SYNE1: variants seen among roughly 807,000 people sequenced by gnomAD.
SYNE1 encodes nesprin-1.
In SYNE1, 616 loss-of-function variants were observed where a neutral mutation model predicts 1,111.0. The ratio of observed to expected loss-of-function variants is 0.55; its 90% CI spans 0.52 to 0.59. SYNE1 has a LOEUF of 0.59. SYNE1 is among the 20% of genes least tolerant of loss of function. The pLI, the probability that SYNE1 is intolerant of heterozygous loss-of-function variation, is 0.00. For synonymous variants in SYNE1, 3,855 were observed against 3,825.8 expected (o/e 1.01, Z -0.28); for missense variants, 10,006 against 10,417.0 (o/e 0.96, Z 1.72).
intron 98 of SYNE1, among the ~76,000 whole-genome samples, chr6:152,270,082 T>TG (rs1215963095): frequency 6.6e-6 from 1 of 152,200 alleles, no homozygotes; most frequent in Non-Finnish European, 1.5e-5. Flanking sequence ...TCCCTGATAC[T>TG]GGTCTGTGTA....
Position 152,488,515 on chromosome 6 carries a change from G to A in SYNE1, c.940-12C>T, listed in dbSNP as rs1263120837. The stretch of plus-strand genomic sequence containing the variant: ...ACTCTGTCTTCTCTCTGGAAATGAG[G>A]AGACATTACAATTTTATTAGTATCT... On this transcript the variant is annotated splice_polypyrimidine_tract_variant and intron_variant, in intron 11 of 145. Coordinates refer to ENST00000367255, the MANE Select transcript of SYNE1 (RefSeq NM_182961.4). The A allele has an allele frequency of 1.4e-6, 2 of 1,384,224 alleles. No homozygotes were observed. Among genetic ancestry groups the A allele is most frequent in the East Asian group, 2.3e-5 (1 of 43,608 alleles). 85.7% of individuals were successfully genotyped at this position (1,384,224 alleles called of 1,614,324 possible). A position where few individuals can be genotyped will look rare whatever the true frequency, so the allele number is the denominator to read the frequency against.
chr6:152,450,638 C>G lies in SYNE1; in HGVS notation c.3382G>C (p.Asp1128His), dbSNP rs886061213. Residue 1128 changes from aspartate (D) to histidine (H), a missense_variant, in exon 27 of 146, where the codon GAC becomes CAC. Coordinates refer to ENST00000367255, the MANE Select transcript of SYNE1 (RefSeq NM_182961.4). ...KLMEDPDKWK[D>H]YTSRFSEFSS... ...TTCTGAGGCTACCTGCTAGTGTAGT[C>G]CTTCCACTTGTCTGGGTCTTCCATG... 5 of 1,614,012 alleles carry G rather than the reference C, an allele frequency of 3.1e-6. No individual in the cohort carries two copies. Among genetic ancestry groups the G allele is most frequent in the Non-Finnish European group, 4.2e-6 (5 of 1,180,038 alleles).
chr6:152,576,688 C>T (rs1159020740), intron 3 of SYNE1, among the ~76,000 whole-genome samples: 2 of 152,128 alleles, frequency 1.3e-5, no homozygotes, highest in African/African-American at 4.8e-5. Context: ...GATTCTTGAC[C>T]TTCCTATTCA....
intron 11 of SYNE1, among the ~76,000 whole-genome samples, chr6:152,495,231 C>T (rs1467607204): frequency 1.3e-5 from 2 of 152,184 alleles, no homozygotes; most frequent in Non-Finnish European, 2.9e-5. Flanking sequence ...CCCACATGCC[C>T]CGAGTCAGGA....
chr6:152,529,924 C>CA (rs373115373), intron 4 of SYNE1, among the ~76,000 whole-genome samples: 1,638 of 150,534 alleles, frequency 0.011, 30 homozygotes, highest in African/African-American at 0.039. Context: ...TCAACCCCAG[C>CA]AAAAAAAAAG....
chr6:152,231,584 G>A lies in SYNE1; in HGVS notation c.20863-17C>T. On this transcript the variant is annotated splice_polypyrimidine_tract_variant and intron_variant, in intron 113 of 145. Transcript: ENST00000367255. ...CTTAAAACCCTAAAAAAAAAGAGGA[G>A]AAAATAAGATTATACAATAAATGTC... The A allele has an allele frequency of 6.2e-7, 1 of 1,612,326 alleles. No homozygotes were observed. Among genetic ancestry groups the A allele is most frequent in the Non-Finnish European group, 8.5e-7 (1 of 1,178,836 alleles).
intron 8 of SYNE1, among the ~76,000 whole-genome samples, chr6:152,508,678 G>A (rs1297110857): frequency 6.6e-6 from 1 of 152,210 alleles, no homozygotes; most frequent in Non-Finnish European, 1.5e-5. Flanking sequence ...GCCCAGTTAA[G>A]TTGTAAGAGA....
Position 152,323,689 on chromosome 6 carries a change from C to T in SYNE1, c.15706G>A (p.Gly5236Arg). The change falls in exon 82 of 146, where the codon GGA becomes AGA. Residue 5236 changes from glycine (G) to arginine (R), a missense_variant. Gly to Arg is a moderately radical substitution (Grantham distance 125, BLOSUM62 -2). Coordinates refer to ENST00000367255, the MANE Select transcript of SYNE1 (RefSeq NM_182961.4). Reference protein sequence around the residue: ...MIDQLQDKLPGSSAEKASKAE... With the variant: ...MIDQLQDKLPRSSAEKASKAE... The stretch of plus-strand genomic sequence containing the variant: ...TTCGATGCTTTCTCTGCTGAACTTC[C>T]AGGTAACTTATCTTGCAGCTGATCA... 1 of 1,614,208 alleles carries T rather than the reference C, an allele frequency of 6.2e-7. No homozygotes were observed. Among genetic ancestry groups the T allele is most frequent in the East Asian group, 2.2e-5 (1 of 44,884 alleles).
chr6:152,483,235 A>G lies in SYNE1; in HGVS notation c.1200T>C (p.His400=), dbSNP rs370080355. Residue 400 remains histidine (H), a synonymous_variant, in exon 14 of 146, where the codon CAT becomes CAC. Transcript: ENST00000367255. ...CAGGAAGAGATTTATCAAGCTGTATATGCCAGTCAAAGAGCTAAAATTTAA... is the reference window on the plus strand; with the variant it reads ...CAGGAAGAGATTTATCAAGCTGTATGTGCCAGTCAAAGAGCTAAAATTTAA... ...DRVTSRLFDW[H]IQLDKSLPAP... is the part of the protein sequence containing the mutation. 12 of 1,614,082 alleles carry G rather than the reference A, an allele frequency of 7.4e-6. No individual in the cohort carries two copies. Among genetic ancestry groups the G allele is most frequent in the Non-Finnish European group, 1.0e-5 (12 of 1,180,022 alleles).
intron 127 of SYNE1, among the ~76,000 whole-genome samples, chr6:152,196,368 G>T (rs9479258): frequency 2.6e-5 from 4 of 151,826 alleles, no homozygotes; most frequent in African/African-American, 9.7e-5. Flanking sequence ...CATAGCCACC[G>T]CAGCTGTGAA....
At position 152,597,800 on chromosome 6, in the gene SYNE1, C is replaced by T. The variant is rs555488759; in HGVS notation, c.67+30465G>A. On this transcript the variant is annotated intron_variant, in intron 3 of 145. Transcript: ENST00000367255. ...ATATGTAGTATATATTATAGTCAAGCGATGTTTTTCTTCTCTAGAAAATCT... is the reference window on the plus strand; with the variant it reads ...ATATGTAGTATATATTATAGTCAAGTGATGTTTTTCTTCTCTAGAAAATCT... 1.8e-4 allele frequency among the ~76,000 whole-genome samples: 27 copies of T among 152,216 alleles called. No homozygotes were observed. The East Asian group carries it at 2.7e-3, about 15-fold the overall frequency.
chr6:152,368,916 A>G (rs149907228), intron 61 of SYNE1, 56 bp downstream of exon 61: 1 of 1,612,078 alleles, frequency 6.2e-7, no homozygotes, highest in Non-Finnish European at 8.5e-7. Context: ...ACCTGCTGCA[A>G]CTCCAATTTT....
At position 152,380,986 on chromosome 6, in the gene SYNE1, A is replaced by C. The variant is rs1324489323; in HGVS notation, c.9009+20T>G. 1 of 1,611,638 alleles carries C rather than the reference A, an allele frequency of 6.2e-7. No individual in the cohort carries two copies. The highest frequency in any genetic ancestry group is 1.1e-5 in the South Asian group (1 of 91,028). On this transcript the variant is annotated intron_variant, in intron 56 of 145. Coordinates refer to ENST00000367255, the MANE Select transcript of SYNE1 (RefSeq NM_182961.4). ...TTTTTTAAAGCATAACCACCAATAG[A>C]AAACAGGAAGCCAACTTACTTGTCC...
intron 3 of SYNE1, among the ~76,000 whole-genome samples, chr6:152,549,565 G>T (rs1437533849): frequency 3.3e-5 from 5 of 152,160 alleles, no homozygotes; most frequent in African/African-American, 4.8e-5. Context: ...GTTTTAATCA[G>T]ACAAGTAATG....
intron 107 of SYNE1, among the ~76,000 whole-genome samples, chr6:152,240,054 A>G (rs2085207489): frequency 6.6e-6 from 1 of 152,186 alleles, no homozygotes; most frequent in African/African-American, 2.4e-5. Flanking sequence ...AGTTCACACC[A>G]ACCCAGCGCT....
Position 152,148,533 on chromosome 6 carries a change from T to C in SYNE1, c.24643-155A>G, listed in dbSNP as rs896868091. 1.8e-4 allele frequency among the ~76,000 whole-genome samples: 27 copies of C among 152,214 alleles called. No homozygotes were observed. Among genetic ancestry groups the C allele is most frequent in the Admixed American group, 1.8e-3 (27 of 15,290 alleles). ...AGAAATACAGGGGACAGTGCTGCTC[T>C]AGAGTTTGACTGTCTGGGTTGAAAT... On this transcript the variant is annotated intron_variant, in intron 136 of 145. Coordinates refer to ENST00000367255, the MANE Select transcript of SYNE1 (RefSeq NM_182961.4). This position sits in a 1 kb window ranked among gnomAD's most constrained non-coding sequence, Gnocchi z 4.1.
At chr6:152,609,501 G>C (rs2099625315) in intron 3 of SYNE1, among the ~76,000 whole-genome samples, 2 of 152,150 alleles carry the variant, frequency 1.3e-5, no homozygotes. Flanking sequence ...ACACAGGTCA[G>C]CAAGACCTAC....
At chr6:152,443,025 T>C (rs910745414) in intron 30 of SYNE1, among the ~76,000 whole-genome samples, 1 of 152,196 alleles carries the variant, frequency 6.6e-6, no homozygotes, top group Non-Finnish European at 1.5e-5. Flanking sequence ...GGGGAAATTG[T>C]CTTAAAGTAA....
rs558094261 is a variant in SYNE1, at chr6:152,252,969, C to T, written c.19470+1911G>A. On this transcript the variant is annotated intron_variant, in intron 104 of 145. Coordinates refer to ENST00000367255, the MANE Select transcript of SYNE1 (RefSeq NM_182961.4). ...ATGAAAGTACTAAAGATACTAAATG[C>T]AATTCACAAAAGATATGGGGAATGA... is the stretch of plus-strand genomic sequence containing the variant. Among the ~76,000 whole-genome samples the T allele has an allele frequency of 4.6e-5, 7 of 152,166 alleles. No homozygotes were observed. In the South Asian group the frequency reaches 1.5e-3, roughly 32 times the overall value.
Sources: allele counts gnomAD v4.1 joint callset (sites outside exome capture counted in the v4.1 genomes callset), GRCh38; gene constraint gnomAD v4.1.1; non-coding constraint Gnocchi (gnomAD v3.1); transcripts MANE v1.5; gene names NCBI Gene and HGNC (gene_info 2026-07-23, HGNC 2026-07-21).